The following ATG16L1 variants were observed in gnomAD, a reference collection of about 807,000 sequenced individuals.
The protein encoded by ATG16L1 is autophagy related 16 like 1, also known as autophagy-related protein 16-1.
ATG16L1 carries 37 observed loss-of-function variants against 88.5 expected under a neutral mutation model. That is an observed-to-expected ratio of 0.42 (90% CI 0.32 to 0.55). The LOEUF (loss-of-function observed/expected upper bound fraction) is 0.55, where lower values mean the gene tolerates loss of function less well. ATG16L1 is among the 20% of genes least tolerant of loss of function. The probability of loss-of-function intolerance (pLI) is 0.13; values close to 1 mark genes in which losing one functional copy is unlikely to be tolerated. For missense variants in ATG16L1, 554 were observed against 752.8 expected, an observed-to-expected ratio of 0.74 and a Z score of 3.09; for synonymous variants, 301 against 281.0, an observed-to-expected ratio of 1.07 and a Z score of -0.71.
At chr2:233,264,710 A>C (rs2125225996) in intron 4 of ATG16L1, among the ~76,000 whole-genome samples, 182 bp from the exon 5 acceptor site, 1 of 152,310 alleles carries the variant, frequency 6.6e-6, no homozygotes, top group East Asian at 1.9e-4. Flanking sequence ...CCTAGTCATT[A>C]ATAGGATGAA....
chr2:233,267,300 TATC>T (rs763509588), intron 5 of ATG16L1, among the ~76,000 whole-genome samples: 3 of 152,188 alleles, frequency 2.0e-5, no homozygotes, highest in Non-Finnish European at 4.4e-5. Flanking sequence ...AGTGAGCCAA[TATC>T]ATGCCACTAG....
intron 10 of ATG16L1, among the ~76,000 whole-genome samples, chr2:233,280,180 C>A (rs529987832): frequency 1.3e-5 from 2 of 152,294 alleles, no homozygotes; most frequent in Admixed American, 1.3e-4. Flanking sequence ...TGGCTCCAAT[C>A]ATTATTTTTA....
chr2:233,288,829 C>T (rs764552819), intron 12 of ATG16L1: 23 of 519,084 alleles, frequency 4.4e-5, no homozygotes, highest in Admixed American at 1.6e-4. Context: ...TGTGTTCCTC[C>T]GTGAGCTCAG....
intron 2 of ATG16L1, among the ~76,000 whole-genome samples, chr2:233,260,026 T>G (rs1307998292): frequency 6.6e-6 from 1 of 152,128 alleles, no homozygotes; most frequent in African/African-American, 2.4e-5. Flanking sequence ...GGAGACCAAC[T>G]CAAAGGGACA....
intron 10 of ATG16L1, among the ~76,000 whole-genome samples, chr2:233,278,656 T>C (rs1211004419): frequency 8.5e-5 from 13 of 152,222 alleles, no homozygotes; most frequent in Admixed American, 8.5e-4. Context: ...TGAAATTCCA[T>C]GCTCTTACTG....
chr2:233,278,090 C>T (rs1478726544), intron 10 of ATG16L1, among the ~76,000 whole-genome samples: 1 of 152,114 alleles, frequency 6.6e-6, no homozygotes, highest in Non-Finnish European at 1.5e-5. Context: ...ATGACAATTG[C>T]AATAGCCTAG....
intron 12 of ATG16L1, among the ~76,000 whole-genome samples, chr2:233,283,906 G>C (rs565978784): frequency 6.6e-6 from 1 of 150,908 alleles, no homozygotes; most frequent in African/African-American, 2.4e-5. Context: ...GTGCAATGGC[G>C]CAATCTTGGC....
In ATG16L1 at chr2:233,256,192, T is replaced by C; in HGVS notation, c.206T>C (p.Ile69Thr). ...CATGACGTACCAAACAGGCACGAGA[T>C]AAGGTATTTTGAAACTAACTTGTAT... Reference protein sequence around the residue: ...EKHDVPNRHEISPGHDGTWND... With the variant: ...EKHDVPNRHETSPGHDGTWND... The change falls in exon 2 of 18, where the codon ATA becomes ACA. Residue 69 changes from isoleucine (I) to threonine (T), a missense_variant. Physicochemically the swap from Ile to Thr is moderately conservative, Grantham distance 89. Coordinates refer to ENST00000392017, the MANE Select transcript of ATG16L1 (RefSeq NM_030803.7). 1 of 1,613,098 alleles carries C rather than the reference T, an allele frequency of 6.2e-7. No homozygotes were observed. Among genetic ancestry groups the C allele is most frequent in the Non-Finnish European group, 8.5e-7 (1 of 1,179,144 alleles).
chr2:233,253,628 G>A (rs561289524), intron 1 of ATG16L1, among the ~76,000 whole-genome samples: 21 of 152,148 alleles, frequency 1.4e-4, no homozygotes, highest in Non-Finnish European at 2.6e-4. Flanking sequence ...TTACAGGCAT[G>A]AGCCACAGTG....
intron 1 of ATG16L1, among the ~76,000 whole-genome samples, chr2:233,254,781 G>A (rs904429444): frequency 2.0e-5 from 3 of 152,128 alleles, no homozygotes; most frequent in Non-Finnish European, 4.4e-5. Context: ...CTACCCAGGA[G>A]TTCTCTTTTC....
In ATG16L1 at chr2:233,262,648, G is replaced by A. The variant is rs564517483; in HGVS notation, c.210-482G>A. 4.6e-4 allele frequency among the ~76,000 whole-genome samples: 70 copies of A among 152,236 alleles called. No individual in the cohort carries two copies. The South Asian group carries it at 5.8e-3, about 13-fold the overall frequency. On this transcript the variant is annotated intron_variant, in intron 2 of 17. Coordinates refer to ENST00000392017, the MANE Select transcript of ATG16L1 (RefSeq NM_030803.7). ...CTTACAGTCTCTAGTCATGTGTCAC[G>A]TAGGAGAAACCCTCCTCAATTACGT...
chr2:233,276,884 TTAAAA>T (rs537556692), intron 9 of ATG16L1, among the ~76,000 whole-genome samples: 52 of 152,256 alleles, frequency 3.4e-4, no homozygotes, highest in Non-Finnish European at 6.2e-4. Context: ...ATAAATTCTC[TTAAAA>T]TAACGACTGT....
chr2:233,272,602 T>C (rs1698068859), intron 6 of ATG16L1, among the ~76,000 whole-genome samples: 1 of 152,180 alleles, frequency 6.6e-6, no homozygotes, highest in Non-Finnish European at 1.5e-5. Flanking sequence ...ACTGCAGCCC[T>C]TCAACAGTGA....
intron 4 of ATG16L1, 80 bp downstream of exon 4, chr2:233,264,145 C>A: frequency 1.4e-6 from 2 of 1,446,276 alleles, no homozygotes; most frequent in South Asian, 1.2e-5. Context: ...GTGAGCAGGG[C>A]CAGTGGCAGT....
chr2:233,291,661 TG>T (rs1369562307), intron 14 of ATG16L1, among the ~76,000 whole-genome samples: 1 of 152,146 alleles, frequency 6.6e-6, no homozygotes, highest in East Asian at 1.9e-4. Context: ...CTGGCTTTCC[TG>T]GCCCCATATC....
In ATG16L1 at chr2:233,294,292, G is replaced by T; in HGVS notation, c.1766G>T (p.Gly589Val). Residue 589 changes from glycine to valine, a missense_variant, in exon 18 of 18, where the codon GGC becomes GTC. This residue lies in a region of ATG16L1 where 370 missense variants were observed against 509.7 expected (regional missense o/e 0.73). Coordinates refer to ENST00000392017, the MANE Select transcript of ATG16L1 (RefSeq NM_030803.7). ...AATGCGGTGGCGTGGTCGCCCTCTG[G>T]CTCGCACGTTGTCAGTGTGGACAAA... ...SINAVAWSPS[G>V]SHVVSVDKGC... 1 of 1,611,794 alleles carries T rather than the reference G, an allele frequency of 6.2e-7. No individual in the cohort carries two copies. Among genetic ancestry groups the T allele is most frequent in the Non-Finnish European group, 8.5e-7 (1 of 1,179,120 alleles).
At chr2:233,285,503 C>T (rs892227498) in intron 12 of ATG16L1, among the ~76,000 whole-genome samples, 1 of 152,212 alleles carries the variant, frequency 6.6e-6, no homozygotes, top group Non-Finnish European at 1.5e-5. Context: ...AGGGCGCAGG[C>T]TGCTGGGCTG....
chr2:233,289,377 A>ATGTGTGTGTGTGTGTGTGTG (rs56993445), intron 12 of ATG16L1, among the ~76,000 whole-genome samples: 6,348 of 128,944 alleles, frequency 0.049, 306 homozygotes, highest in East Asian at 0.081. Flanking sequence ...CCTGTTTGGG[A>ATGTGTGTGTGTGTGTGTGTG]TGTGTGTGTG....
At chr2:233,276,737 G>A (rs1287530201) in intron 9 of ATG16L1, among the ~76,000 whole-genome samples, 9 of 152,144 alleles carry the variant, frequency 5.9e-5, no homozygotes, top group Non-Finnish European at 1.3e-4. Context: ...TCGGTCTCCC[G>A]AAGTGCTGGG....
Sources: gnomAD v4.1 joint callset for allele counts (sites outside exome capture counted in the v4.1 genomes callset) on GRCh38, gnomAD v4.1.1 for gene constraint, gnomAD v4.1.1 regional missense constraint, MANE v1.5 for transcripts, NCBI Gene and HGNC (gene_info 2026-07-23, HGNC 2026-07-21) for gene names.